Variants in TMPRSS11E observed in about 807,000 individuals in gnomAD.
TMPRSS11E encodes transmembrane serine protease 11E, also known as transmembrane protease serine 11E.
A neutral mutation model predicts 48.1 loss-of-function variants in TMPRSS11E; 38 were observed. The observed-to-expected ratio is 0.79, with a 90% CI of 0.61 to 1.04. The LOEUF is 1.04. Ranked by LOEUF, TMPRSS11E falls within the 50% of genes least tolerant of loss-of-function variation. The pLI, the probability that TMPRSS11E is intolerant of heterozygous loss-of-function variation, is 0.00. For missense variants in TMPRSS11E, 530 were observed against 510.8 expected (o/e 1.04, Z -0.36); for synonymous variants, 158 against 171.9 (o/e 0.92, Z 0.63).
intron 1 of TMPRSS11E, among the ~76,000 whole-genome samples, chr4:68,456,599 G>A (rs760412447): frequency 2.6e-5 from 4 of 151,952 alleles, no homozygotes; most frequent in Admixed American, 6.6e-5. Flanking sequence ...TTGCTGGTTT[G>A]GGCTTTTCAC....
At chr4:68,478,827 C>A (rs998583642) in intron 8 of TMPRSS11E, 22 bp from the exon 9 acceptor site, 2 of 1,610,458 alleles carry the variant, frequency 1.2e-6, no homozygotes, top group African/African-American at 2.7e-5. Flanking sequence ...TCTACAAATA[C>A]AAAGACTTTT....
At chr4:68,455,366 C>T (rs1560546314) in intron 1 of TMPRSS11E, among the ~76,000 whole-genome samples, 1 of 151,882 alleles carries the variant, frequency 6.6e-6, no homozygotes, top group Non-Finnish European at 1.5e-5. Flanking sequence ...GATTTTTTAA[C>T]ATGTGAAGAA....
At chr4:68,481,540 C>T (rs1729397969) in intron 9 of TMPRSS11E, among the ~76,000 whole-genome samples, 2 of 152,040 alleles carry the variant, frequency 1.3e-5, no homozygotes. Flanking sequence ...TTTTAATTTC[C>T]CATTTCCCTG....
rs555570150 is a variant in TMPRSS11E, at chr4:68,468,009, A to T, written c.259-870A>T. On this transcript the variant is annotated intron_variant, in intron 3 of 9. Coordinates refer to ENST00000305363, the MANE Select transcript of TMPRSS11E (RefSeq NM_014058.4). Reference sequence around the variant, plus strand: ...TAATAGTTTTGAAGTTACTTGACAAAAATTAACCCTTAAATAAAAATTTTC... The same window carrying T: ...TAATAGTTTTGAAGTTACTTGACAATAATTAACCCTTAAATAAAAATTTTC... 3.9e-5 allele frequency among the ~76,000 whole-genome samples: 6 copies of T among 152,248 alleles called. No homozygotes were observed. The East Asian group carries it at 1.2e-3, about 29-fold the overall frequency.
chr4:68,466,999 C>T (rs571131537), intron 3 of TMPRSS11E, among the ~76,000 whole-genome samples: 4 of 152,150 alleles, frequency 2.6e-5, no homozygotes, highest in South Asian at 4.2e-4. Flanking sequence ...CTTTCCTTAG[C>T]TAGTGATATA....
chr4:68,497,032 T>C lies in TMPRSS11E; in HGVS notation c.*228T>C. 2.1e-6 allele frequency: 1 copy of C among 467,780 alleles called. No homozygotes were observed. Among genetic ancestry groups the C allele is most frequent in the Non-Finnish European group, 3.8e-6 (1 of 262,984 alleles). The allele number at this position is 467,780 out of a possible 1,614,324, so 29.0% of individuals were successfully genotyped here. ...TCTGTGAGCAATAGTTGAAACTTTA[T>C]GTACATAGAGAAATAGATAATACAA... On this transcript the variant is annotated 3_prime_UTR_variant, in exon 10 of 10. Coordinates refer to ENST00000305363, the MANE Select transcript of TMPRSS11E (RefSeq NM_014058.4).
intron 9 of TMPRSS11E, among the ~76,000 whole-genome samples, chr4:68,488,606 T>C (rs1370347991): frequency 6.6e-6 from 1 of 152,164 alleles, no homozygotes; most frequent in Non-Finnish European, 1.5e-5. Context: ...TGGCAAGATA[T>C]CGGCTCACTG....
chr4:68,458,935 AAACC>A, intron 1 of TMPRSS11E, among the ~76,000 whole-genome samples: 1 of 152,266 alleles, frequency 6.6e-6, no homozygotes, highest in Non-Finnish European at 1.5e-5. Flanking sequence ...TCAAAGTACC[AAACC>A]GCCTTCTCAT....
chr4:68,456,727 G>T (rs903234858), intron 1 of TMPRSS11E, among the ~76,000 whole-genome samples: 1 of 152,062 alleles, frequency 6.6e-6, no homozygotes, highest in Non-Finnish European at 1.5e-5. Context: ...CAATGGAACA[G>T]AACAGAGGCC....
chr4:68,451,785 A>G (rs1275290537), intron 1 of TMPRSS11E, among the ~76,000 whole-genome samples: 1 of 151,884 alleles, frequency 6.6e-6, no homozygotes, highest in East Asian at 1.9e-4. Flanking sequence ...GATGAGAAAA[A>G]TGAGGCTCAG....
In TMPRSS11E at chr4:68,478,881, G is replaced by T; in HGVS notation, c.1000G>T (p.Val334Leu). 2 of 1,613,898 alleles carry T rather than the reference G, an allele frequency of 1.2e-6. No homozygotes were observed. Among genetic ancestry groups the T allele is most frequent in the South Asian group, 2.2e-5 (2 of 91,060 alleles). The change falls in exon 9 of 10, where the codon GTG becomes TTG. Residue 334 changes from valine to leucine, a missense_variant. By Grantham distance (32) the Val-to-Leu change is conservative. Coordinates refer to ENST00000305363, the MANE Select transcript of TMPRSS11E (RefSeq NM_014058.4). ...TCAAAATCATCTTCGACAAGCACAG[G>T]TGACTCTCATAGACGCTACAACTTG... is the stretch of plus-strand genomic sequence containing the variant. The part of the protein sequence containing the change: ...YSQNHLRQAQ[V>L]TLIDATTCNE...
rs775854708 is a variant in TMPRSS11E, at chr4:68,476,258, C to G, written c.530-3C>G. 7.4e-6 allele frequency: 12 copies of G among 1,613,826 alleles called. No individual in the cohort carries two copies. The highest frequency in any genetic ancestry group is 1.1e-5 in the South Asian group (1 of 91,064). On this transcript the variant is annotated splice_region_variant and splice_polypyrimidine_tract_variant and intron_variant, in intron 6 of 9. Transcript: ENST00000305363. ...CAATGCACCCCCCCTCTCTCTTTTG[C>G]AGGCTGCGGAACACGAAGAAGTAAA...
intron 1 of TMPRSS11E, among the ~76,000 whole-genome samples, chr4:68,459,974 G>T (rs780094749): frequency 3.9e-5 from 6 of 152,120 alleles, no homozygotes; most frequent in Admixed American, 2.6e-4. Context: ...TTGTGGAGAA[G>T]ACTTTTTATA....
chr4:68,473,853 T>C (rs939089596), intron 5 of TMPRSS11E, among the ~76,000 whole-genome samples: 5 of 152,162 alleles, frequency 3.3e-5, no homozygotes, highest in Non-Finnish European at 5.9e-5. Flanking sequence ...AAATTCTTCC[T>C]TATTTTTGCC....
chr4:68,473,920 T>A (rs1365397035), intron 5 of TMPRSS11E, among the ~76,000 whole-genome samples: 1 of 152,008 alleles, frequency 6.6e-6, no homozygotes, highest in East Asian at 1.9e-4. Flanking sequence ...TTCTAGAATA[T>A]AGATTTCCAC....
At chr4:68,481,355 C>G (rs998102100) in intron 9 of TMPRSS11E, among the ~76,000 whole-genome samples, 2 of 152,114 alleles carry the variant, frequency 1.3e-5, no homozygotes, top group African/African-American at 4.8e-5. Flanking sequence ...GTAGTTCTGT[C>G]TTAATTTCTT....
intron 5 of TMPRSS11E, 73 bp downstream of exon 5, chr4:68,471,696 A>C (rs1475057434): frequency 3.1e-6 from 4 of 1,303,274 alleles, no homozygotes; most frequent in African/African-American, 1.5e-5. Flanking sequence ...CTTATTAAAA[A>C]ATTTTTTTTG....
At chr4:68,455,035 C>T (rs1196451649) in intron 1 of TMPRSS11E, among the ~76,000 whole-genome samples, 1 of 151,860 alleles carries the variant, frequency 6.6e-6, no homozygotes, top group Non-Finnish European at 1.5e-5. Context: ...GAACTTATTC[C>T]TTCTATCTAT....
At chr4:68,488,836 G>A (rs1463463644) in intron 9 of TMPRSS11E, among the ~76,000 whole-genome samples, 5 of 152,172 alleles carry the variant, frequency 3.3e-5, no homozygotes, top group African/African-American at 2.4e-5. Flanking sequence ...CACCGCGCCC[G>A]ACCCTGATTC....
Sources: gnomAD v4.1 joint callset for allele counts (sites outside exome capture counted in the v4.1 genomes callset) on GRCh38, gnomAD v4.1.1 for gene constraint, MANE v1.5 for transcripts, NCBI Gene and HGNC (gene_info 2026-07-23, HGNC 2026-07-21) for gene names.